Variants in FAM184A observed in about 807,000 individuals in gnomAD.
FAM184A encodes the protein protein FAM184A.
In FAM184A, 99 loss-of-function variants were observed where a neutral mutation model predicts 143.8. The ratio of observed to expected loss-of-function variants is 0.69; its 90% confidence interval spans 0.58 to 0.81. The LOEUF (loss-of-function observed/expected upper bound fraction) is 0.81. Ranked by LOEUF, FAM184A falls within the 40% of genes least tolerant of loss-of-function variation. The probability of loss-of-function intolerance (pLI) is 0.00; values close to 1 mark genes in which losing one functional copy is unlikely to be tolerated. For missense variants in FAM184A, 1,217 were observed against 1,310.5 expected (o/e 0.93, Z 1.10); for synonymous variants, 427 against 446.4 (o/e 0.96, Z 0.55).
At chr6:119,129,801 C>A (rs1050709846) in intron 1 of FAM184A, among the ~76,000 whole-genome samples, 2 of 152,156 alleles carry the variant, frequency 1.3e-5, no homozygotes, top group South Asian at 4.2e-4. Context: ...AGGTTCACAG[C>A]AACATTGAAC....
chr6:119,024,012 C>T lies in FAM184A; in HGVS notation c.961G>A (p.Asp321Asn). ...MVQDEAGSLLDKCQKLQTALA... is the reference protein window; with the variant it reads ...MVQDEAGSLLNKCQKLQTALA... Reference sequence around the variant, plus strand: ...GCCGTCTGAAGCTTTTGGCATTTGTCAAGAAGACTTCCAGCTTCATCCTGT... The same window carrying T: ...GCCGTCTGAAGCTTTTGGCATTTGTTAAGAAGACTTCCAGCTTCATCCTGT... The change falls in exon 2 of 18, where the codon GAC becomes AAC. Residue 321 changes from aspartate to asparagine, a missense_variant. Physicochemically the swap from Asp to Asn is conservative, Grantham distance 23 (BLOSUM62 1). Coordinates refer to ENST00000338891, the MANE Select transcript of FAM184A (RefSeq NM_024581.6). 3 of 1,609,950 alleles carry T rather than the reference C, an allele frequency of 1.9e-6. No homozygotes were observed. The highest frequency in any genetic ancestry group is 1.7e-5 in the Admixed American group (1 of 58,890).
chr6:118,967,935 C>T (rs1008580848), intron 14 of FAM184A, among the ~76,000 whole-genome samples: 1 of 152,074 alleles, frequency 6.6e-6, no homozygotes, highest in African/African-American at 2.4e-5. Context: ...CTATTCCCAC[C>T]CAAAACCCTA....
chr6:119,118,996 G>A (rs1419554234), intron 1 of FAM184A, among the ~76,000 whole-genome samples: 1 of 152,182 alleles, frequency 6.6e-6, no homozygotes, highest in Non-Finnish European at 1.5e-5. Context: ...CCTAAGGGTA[G>A]GCCTCTGAAA....
At chr6:119,050,798 C>T (rs562326209) in intron 1 of FAM184A, among the ~76,000 whole-genome samples, 71 of 145,882 alleles carry the variant, frequency 4.9e-4, no homozygotes, top group Non-Finnish European at 8.8e-4. Context: ...GGCGACAGAG[C>T]GAGACTCCGT....
At chr6:119,137,015 C>T (rs1247971150) in intron 1 of FAM184A, among the ~76,000 whole-genome samples, 1 of 152,220 alleles carries the variant, frequency 6.6e-6, no homozygotes, top group Non-Finnish European at 1.5e-5. Flanking sequence ...ATCTTCTTAT[C>T]CAGAATAATT....
intron 7 of FAM184A, 147 bp downstream of exon 7, chr6:119,006,300 C>A: frequency 1.2e-6 from 1 of 838,160 alleles, no homozygotes; most frequent in East Asian, 2.4e-5. Flanking sequence ...GTTTTAAATT[C>A]CCCAGTTTGT....
chr6:118,991,750 A>C (rs1473436862), intron 9 of FAM184A, among the ~76,000 whole-genome samples: 2 of 71,120 alleles, frequency 2.8e-5, no homozygotes, highest in African/African-American at 4.9e-5. Context: ...CCCTGAGAGG[A>C]CTTTTTTTTT....
Position 119,011,508 on chromosome 6 carries a change from T to G in FAM184A, c.1531-77A>C, listed in dbSNP as rs559600731. The G allele has an allele frequency of 8.6e-6, 8 of 927,682 alleles. No homozygotes were observed. In the South Asian group the frequency reaches 1.2e-4, roughly 13 times the overall value. The allele number at this position is 927,682 out of a possible 1,614,324, so 57.5% of individuals were successfully genotyped here. A position where few individuals can be genotyped will look rare whatever the true frequency, so the allele number is the denominator to read the frequency against. ...TTTGAAGACTCTAAGAAAAAGACTA[T>G]TCTGTTTTGTATTTTGAAACTTTGC... On this transcript the variant is annotated intron_variant, in intron 5 of 17. Coordinates refer to ENST00000338891, the MANE Select transcript of FAM184A (RefSeq NM_024581.6).
chr6:119,066,869 T>C (rs1251422953), intron 1 of FAM184A, among the ~76,000 whole-genome samples: 3 of 152,232 alleles, frequency 2.0e-5, no homozygotes, highest in South Asian at 2.1e-4. Flanking sequence ...AAATGTGCTA[T>C]AGCCTCGAAC....
At chr6:119,089,655 C>G (rs1445277544) in intron 1 of FAM184A, among the ~76,000 whole-genome samples, 1 of 152,140 alleles carries the variant, frequency 6.6e-6, no homozygotes, top group Non-Finnish European at 1.5e-5. Flanking sequence ...GGATATACCA[C>G]ATATCAATCA....
chr6:118,969,193 T>C (rs1321980599), intron 14 of FAM184A, among the ~76,000 whole-genome samples: 1 of 152,212 alleles, frequency 6.6e-6, no homozygotes, highest in Non-Finnish European at 1.5e-5. Flanking sequence ...GCCATGATTG[T>C]AAGTTTCCTG....
At chr6:119,100,786 G>A (rs960109624) in intron 1 of FAM184A, among the ~76,000 whole-genome samples, 4 of 151,718 alleles carry the variant, frequency 2.6e-5, no homozygotes, top group South Asian at 4.1e-4. Flanking sequence ...TCGAAACCTC[G>A]TCTCTACTAA....
chr6:119,098,040 C>G (rs921740047), intron 1 of FAM184A, among the ~76,000 whole-genome samples: 2 of 152,118 alleles, frequency 1.3e-5, no homozygotes, highest in Admixed American at 1.3e-4. Flanking sequence ...GTCCACACCC[C>G]AGTCTCATCT....
chr6:119,095,091 CA>C, intron 1 of FAM184A, among the ~76,000 whole-genome samples: 1 of 151,810 alleles, frequency 6.6e-6, no homozygotes, highest in Non-Finnish European at 1.5e-5. Flanking sequence ...ACAGCTGCAG[CA>C]AAAAAAATCA....
At chr6:119,137,762 G>C (rs1772070897) in intron 1 of FAM184A, among the ~76,000 whole-genome samples, 1 of 152,160 alleles carries the variant, frequency 6.6e-6, no homozygotes, top group South Asian at 2.1e-4. Flanking sequence ...TCCTCCTCCT[G>C]GACCAAGAAA....
chr6:119,057,601 G>A (rs1181609734), intron 1 of FAM184A, among the ~76,000 whole-genome samples: 2 of 152,072 alleles, frequency 1.3e-5, no homozygotes, highest in African/African-American at 4.8e-5. Context: ...AATTATTCAG[G>A]TGTGGTGGTG....
chr6:119,111,509 G>A (rs972281299), intron 1 of FAM184A, among the ~76,000 whole-genome samples: 1 of 152,164 alleles, frequency 6.6e-6, no homozygotes, highest in African/African-American at 2.4e-5. Flanking sequence ...TGGCTAAAAT[G>A]GCAAAAGATA....
At position 119,002,948 on chromosome 6, in the gene FAM184A, T is replaced by G; in HGVS notation, c.2039A>C (p.Asn680Thr). Reference sequence around the variant, plus strand: ...CTTCTGCCATGAATCTCTTGCTGCATTTTTCTCTCGATCTTTCAACTGCAA... The same window carrying G: ...CTTCTGCCATGAATCTCTTGCTGCAGTTTTCTCTCGATCTTTCAACTGCAA... Reference protein sequence around the residue: ...QLLQLKDREKNAARDSWQKKV... With the variant: ...QLLQLKDREKTAARDSWQKKV... Residue 680 changes from asparagine (N) to threonine (T), a missense_variant, in exon 9 of 18, where the codon AAT becomes ACT. By Grantham distance (65) the Asn-to-Thr change is moderately conservative. Coordinates refer to ENST00000338891, the MANE Select transcript of FAM184A (RefSeq NM_024581.6). 6.2e-7 allele frequency: 1 copy of G among 1,612,408 alleles called. No homozygotes were observed. Among genetic ancestry groups the G allele is most frequent in the South Asian group, 1.1e-5 (1 of 90,890 alleles).
At chr6:119,148,177 G>A (rs935086531) in intron 1 of FAM184A, among the ~76,000 whole-genome samples, 2 of 152,110 alleles carry the variant, frequency 1.3e-5, no homozygotes, top group African/African-American at 4.8e-5. Context: ...AGAAGATCGT[G>A]GCCAGGAGAG....
Sources: gnomAD v4.1 joint callset for allele counts (sites outside exome capture counted in the v4.1 genomes callset) on GRCh38, gnomAD v4.1.1 for gene constraint, MANE v1.5 for transcripts, NCBI Gene and HGNC (gene_info 2026-07-23, HGNC 2026-07-21) for gene names.